Variants in BBS9 observed in about 807,000 individuals in gnomAD.
The protein encoded by BBS9 is protein PTHB1.
Under a neutral mutation model 117.7 loss-of-function variants are expected in BBS9, and 89 were observed. The ratio of observed to expected loss-of-function variants is 0.76; its 90% CI spans 0.64 to 0.90. The LOEUF (loss-of-function observed/expected upper bound fraction) is 0.90, where lower values mean the gene tolerates loss of function less well. Among genes scored for constraint, BBS9 ranks in the 40% least tolerant of loss-of-function variants. The pLI, the probability that BBS9 is intolerant of heterozygous loss-of-function variation, is 0.00. For synonymous variants in BBS9, 379 were observed against 370.9 expected (o/e 1.02, Z -0.25); for missense variants, 982 against 1,042.2 (o/e 0.94, Z 0.80).
At chr7:33,556,617 G>A (rs987964129) in intron 21 of BBS9, among the ~76,000 whole-genome samples, 32 of 152,250 alleles carry the variant, frequency 2.1e-4, no homozygotes, top group Non-Finnish European at 4.1e-4. Context: ...CTGGTCAGAG[G>A]CCAGGTGGCA....
At chr7:33,245,447 A>T (rs78939347) in intron 5 of BBS9, among the ~76,000 whole-genome samples, 6,859 of 152,244 alleles carry the variant, frequency 0.045, 200 homozygotes, top group Non-Finnish European at 0.063. Flanking sequence ...TTTGAATCAC[A>T]GTCTCTTAAG....
intron 19 of BBS9, among the ~76,000 whole-genome samples, chr7:33,464,980 C>A (rs1839959320): frequency 6.6e-6 from 1 of 151,986 alleles, no homozygotes; most frequent in Non-Finnish European, 1.5e-5. Flanking sequence ...CGCGTGCCAC[C>A]ATCATTCTTT....
intron 5 of BBS9, among the ~76,000 whole-genome samples, chr7:33,241,238 A>T (rs1282980958): frequency 6.6e-6 from 1 of 152,094 alleles, no homozygotes; most frequent in African/African-American, 2.4e-5. Flanking sequence ...AAGACTAGGT[A>T]GGCAAAGCTA....
At chr7:33,538,764 T>A (rs1438281631) in intron 21 of BBS9, among the ~76,000 whole-genome samples, 1 of 132,920 alleles carries the variant, frequency 7.5e-6, no homozygotes, top group Non-Finnish European at 1.6e-5. Context: ...CAATACTTTA[T>A]CTTGACATTA....
chr7:33,623,820 G>A (rs1002622017), intron 21 of BBS9, among the ~76,000 whole-genome samples: 3 of 152,006 alleles, frequency 2.0e-5, no homozygotes, highest in African/African-American at 7.3e-5. Flanking sequence ...TTGTTTTAGG[G>A]TATATACCTA....
At chr7:33,246,556 T>C (rs1313002655) in intron 5 of BBS9, among the ~76,000 whole-genome samples, 4 of 152,198 alleles carry the variant, frequency 2.6e-5, no homozygotes, top group Non-Finnish European at 4.4e-5. Flanking sequence ...TGGGGTCTTA[T>C]CATGATTGGC....
intron 5 of BBS9, among the ~76,000 whole-genome samples, chr7:33,190,197 G>T (rs186783387): frequency 0.017 from 2,498 of 145,442 alleles, 58 homozygotes; most frequent in African/African-American, 0.06. Context: ...TCGGCTCACT[G>T]CAAGCTCCGC....
chr7:33,175,604 T>A (rs929940150), intron 4 of BBS9, among the ~76,000 whole-genome samples: 1 of 152,178 alleles, frequency 6.6e-6, no homozygotes, highest in Non-Finnish European at 1.5e-5. Context: ...AACAGCTTCA[T>A]TCCTGACAGC....
At chr7:33,540,015 G>T (rs768409163) in intron 21 of BBS9, among the ~76,000 whole-genome samples, 2 of 152,170 alleles carry the variant, frequency 1.3e-5, no homozygotes, top group Non-Finnish European at 2.9e-5. Flanking sequence ...GTGTATCTTT[G>T]TGTTATGCTT....
At chr7:33,155,579 T>G (rs1284847967) in intron 3 of BBS9, 59 bp from the exon 4 acceptor site, 19 of 1,158,798 alleles carry the variant, frequency 1.6e-5, no homozygotes, top group Middle Eastern at 1.9e-4. Flanking sequence ...ATTTTACAAC[T>G]TTTTGGTTAC....
chr7:33,484,947 A>G lies in BBS9; in HGVS notation c.2116-20516A>G, dbSNP rs192596085. The stretch of plus-strand genomic sequence containing the variant: ...ATAAAATGTTGTATATATACACCAT[A>G]GAATACTATGCAGCCATAAAAAGGA... On this transcript the variant is annotated intron_variant, in intron 19 of 22. Coordinates refer to ENST00000242067, the MANE Select transcript of BBS9 (RefSeq NM_198428.3). Among the ~76,000 whole-genome samples, 479 of 152,378 alleles carry G rather than the reference A, an allele frequency of 3.1e-3. 2 individuals carry two copies. The highest frequency in any genetic ancestry group is 0.011 in the African/African-American group (467 of 41,588).
chr7:33,366,359 G>C (rs1821715716), intron 16 of BBS9, among the ~76,000 whole-genome samples: 1 of 151,912 alleles, frequency 6.6e-6, no homozygotes, highest in South Asian at 2.1e-4. Context: ...GTTCCGTTTT[G>C]CTGCAGCTTC....
intron 18 of BBS9, among the ~76,000 whole-genome samples, chr7:33,385,782 A>G (rs1200342713): frequency 6.6e-6 from 1 of 152,182 alleles, no homozygotes; most frequent in Non-Finnish European, 1.5e-5. Context: ...TTATAGCAGT[A>G]AATTATACAA....
At chr7:33,600,217 T>TTC (rs1307517014) in intron 21 of BBS9, among the ~76,000 whole-genome samples, 1 of 152,226 alleles carries the variant, frequency 6.6e-6, no homozygotes, top group Non-Finnish European at 1.5e-5. Context: ...TTACCTGACA[T>TTC]TCACAAAGTG....
intron 19 of BBS9, among the ~76,000 whole-genome samples, chr7:33,503,070 C>A (rs915770360): frequency 6.6e-6 from 1 of 152,140 alleles, no homozygotes; most frequent in Non-Finnish European, 1.5e-5. Flanking sequence ...TTAATCGTTA[C>A]ATTAATTCAG....
chr7:33,373,253 T>G (rs1190938363), intron 17 of BBS9, among the ~76,000 whole-genome samples: 1 of 152,180 alleles, frequency 6.6e-6, no homozygotes, highest in African/African-American at 2.4e-5. Flanking sequence ...TTACTCAAGA[T>G]ATGAATCAAG....
intron 5 of BBS9, among the ~76,000 whole-genome samples, chr7:33,239,203 T>TATA (rs565159854): frequency 6.6e-6 from 1 of 152,076 alleles, no homozygotes; most frequent in Non-Finnish European, 1.5e-5. Context: ...TTGCATAATT[T>TATA]ATAATAATAA....
At chr7:33,134,795 T>A (rs1450432728) in intron 1 of BBS9, among the ~76,000 whole-genome samples, 4 of 152,110 alleles carry the variant, frequency 2.6e-5, no homozygotes. Context: ...GCGGTCTCGC[T>A]TTGTTGCCCA....
intron 6 of BBS9, among the ~76,000 whole-genome samples, chr7:33,262,414 G>A (rs571972594): frequency 2.4e-4 from 37 of 152,270 alleles, no homozygotes; most frequent in African/African-American, 8.4e-4. Context: ...TAATTGCCTA[G>A]GGTTAGATCC....
Sources: allele counts gnomAD v4.1 joint callset (sites outside exome capture counted in the v4.1 genomes callset), GRCh38; gene constraint gnomAD v4.1.1; transcripts MANE v1.5; gene names NCBI Gene and HGNC (gene_info 2026-07-23, HGNC 2026-07-21).